The following SHANK2 variants were observed in gnomAD, a reference collection of about 807,000 sequenced individuals.
SHANK2 encodes SH3 and multiple ankyrin repeat domains protein 2.
A neutral mutation model predicts 133.7 loss-of-function variants in SHANK2; 43 were observed. That is an observed-to-expected ratio of 0.32 (90% confidence interval 0.25 to 0.41). SHANK2 has a LOEUF of 0.41. Ranked by LOEUF, SHANK2 falls within the 10% of genes least tolerant of loss-of-function variation. SHANK2 has a pLI of 1.00. For synonymous variants in SHANK2, 1,017 were observed against 952.8 expected, an observed-to-expected ratio of 1.07 and a Z score of -1.24; for missense variants, 1,994 against 2,235.8, an observed-to-expected ratio of 0.89 and a Z score of 2.18.
At chr11:71,222,774 G>A (rs1353402407) in intron 2 of SHANK2, among the ~76,000 whole-genome samples, 1 of 152,244 alleles carries the variant, frequency 6.6e-6, no homozygotes, top group Non-Finnish European at 1.5e-5. Context: ...CCTGCTCTAG[G>A]ATAAAGGGGT....
intron 17 of SHANK2, among the ~76,000 whole-genome samples, chr11:70,648,585 T>A (rs782585388): frequency 9.9e-5 from 15 of 152,224 alleles, no homozygotes; most frequent in Non-Finnish European, 1.6e-4. Context: ...CAAAATTTCC[T>A]AGGACCAGGG....
At chr11:70,629,436 G>C (rs1411268922) in intron 17 of SHANK2, among the ~76,000 whole-genome samples, 1 of 152,220 alleles carries the variant, frequency 6.6e-6, no homozygotes, top group Non-Finnish European at 1.5e-5. Context: ...CGGGTCTCCA[G>C]GCCTGATGGA....
At chr11:70,561,310 C>T (rs7104940) in intron 17 of SHANK2, among the ~76,000 whole-genome samples, 124,554 of 151,986 alleles carry the variant, frequency 0.82, 51,382 homozygotes, top group Middle Eastern at 0.93. Flanking sequence ...TGTGCCACCA[C>T]GCACAGCTAA....
At chr11:71,086,342 A>G (rs1228880722) in intron 8 of SHANK2, among the ~76,000 whole-genome samples, 1 of 123,062 alleles carries the variant, frequency 8.1e-6, no homozygotes, top group Non-Finnish European at 1.6e-5. Context: ...ATGTTATATA[A>G]GATATAGTAT....
intron 17 of SHANK2, chr11:70,633,566 T>C (rs1279831887): frequency 1.3e-5 from 2 of 152,238 alleles, no homozygotes; most frequent in Admixed American, 1.3e-4. Flanking sequence ...TTATTTGATA[T>C]GTGAAAGTTC....
intron 2 of SHANK2, among the ~76,000 whole-genome samples, chr11:71,223,205 G>C (rs781961126): frequency 6.6e-6 from 1 of 151,870 alleles, no homozygotes; most frequent in Non-Finnish European, 1.5e-5. Context: ...CAACTGCGAT[G>C]GTGGCCAGGA....
chr11:71,198,591 G>A (rs1470813186), intron 2 of SHANK2, among the ~76,000 whole-genome samples: 2 of 152,132 alleles, frequency 1.3e-5, no homozygotes, highest in East Asian at 3.9e-4. Context: ...GACCACAGCT[G>A]ACCCCGCAGA....
At chr11:70,893,992 AT>A (rs1228833935) in intron 11 of SHANK2, among the ~76,000 whole-genome samples, 6 of 152,242 alleles carry the variant, frequency 3.9e-5, no homozygotes, top group Non-Finnish European at 7.3e-5. Flanking sequence ...ATTAAAATGT[AT>A]TCGCCCAACA....
intron 17 of SHANK2, among the ~76,000 whole-genome samples, chr11:70,605,698 C>T (rs1352353531): frequency 3.9e-5 from 6 of 152,226 alleles, no homozygotes; most frequent in African/African-American, 1.2e-4. Flanking sequence ...CTCAACTGCA[C>T]GTTTCCCTGG....
intron 20 of SHANK2, among the ~76,000 whole-genome samples, chr11:70,501,304 G>C (rs983572428): frequency 2.6e-5 from 4 of 151,508 alleles, no homozygotes; most frequent in Admixed American, 2.6e-4. Flanking sequence ...GCAGCACTTA[G>C]CACTTGCTAG....
intron 14 of SHANK2, among the ~76,000 whole-genome samples, chr11:70,775,906 A>T (rs1252583363): frequency 6.6e-6 from 1 of 152,274 alleles, no homozygotes; most frequent in Non-Finnish European, 1.5e-5. Flanking sequence ...AGCCAAAAAC[A>T]ACATCTTCAT....
intron 17 of SHANK2, among the ~76,000 whole-genome samples, chr11:70,537,844 C>T (rs1338929176): frequency 6.6e-6 from 1 of 152,200 alleles, no homozygotes; most frequent in African/African-American, 2.4e-5. Context: ...GTGTAGCCGA[C>T]GTCAACCCTG....
chr11:70,485,375 C>T lies in SHANK2; in HGVS notation c.4918G>A (p.Ala1640Thr). ...GAATCCAGTCCTTCCCCCGGCTTTGCCAATTTCTCTCGGTTCATTTGCTGT... is the reference window on the plus strand; with the variant it reads ...GAATCCAGTCCTTCCCCCGGCTTTGTCAATTTCTCTCGGTTCATTTGCTGT... ...ILQQMNREKL[A>T]KPGEGLDSPM... Residue 1640 changes from alanine to threonine, a missense_variant, in exon 25 of 26, where the codon GCA becomes ACA. By Grantham distance (58) the Ala-to-Thr change is moderately conservative. Coordinates refer to ENST00000601538, the MANE Select transcript of SHANK2 (RefSeq NM_012309.5). This position sits in a 1 kb window ranked among gnomAD's most constrained non-coding sequence, Gnocchi z 5.8. 6.2e-7 allele frequency: 1 copy of T among 1,614,066 alleles called. No homozygotes were observed. The highest frequency in any genetic ancestry group is 8.5e-7 in the Non-Finnish European group (1 of 1,180,040).
intron 11 of SHANK2, among the ~76,000 whole-genome samples, chr11:70,889,826 C>T (rs148627568): frequency 7.9e-5 from 12 of 152,186 alleles, no homozygotes; most frequent in South Asian, 2.1e-4. Flanking sequence ...GTCTTAGGGG[C>T]GGATGCCAGC....
At chr11:70,920,398 T>C (rs1950333533) in intron 10 of SHANK2, among the ~76,000 whole-genome samples, 1 of 152,096 alleles carries the variant, frequency 6.6e-6, no homozygotes, top group Non-Finnish European at 1.5e-5. Context: ...CAGTCTATTT[T>C]AAAAAATGAT....
At chr11:70,752,715 A>T (rs1946779959) in intron 14 of SHANK2, among the ~76,000 whole-genome samples, 1 of 150,890 alleles carries the variant, frequency 6.6e-6, no homozygotes, top group Non-Finnish European at 1.5e-5. Context: ...CAAAAAAAAA[A>T]AAAAAATCAA....
At chr11:70,815,778 G>A (rs1394679275) in intron 12 of SHANK2, among the ~76,000 whole-genome samples, 1 of 152,190 alleles carries the variant, frequency 6.6e-6, no homozygotes, top group Non-Finnish European at 1.5e-5. Flanking sequence ...GGCTGCACTT[G>A]AGGGTGTGAC....
At chr11:70,544,996 G>A (rs2059671596) in intron 17 of SHANK2, among the ~76,000 whole-genome samples, 1 of 152,174 alleles carries the variant, frequency 6.6e-6, no homozygotes, top group South Asian at 2.1e-4. Flanking sequence ...TGGACCTCGG[G>A]AGCTTCTCTC....
At chr11:70,838,256 T>A (rs551866478) in intron 11 of SHANK2, among the ~76,000 whole-genome samples, 1 of 152,238 alleles carries the variant, frequency 6.6e-6, no homozygotes, top group South Asian at 2.1e-4. Flanking sequence ...TCAATACATG[T>A]TCTGGTTATC....
Sources: allele counts gnomAD v4.1 joint callset (sites outside exome capture counted in the v4.1 genomes callset), GRCh38; gene constraint gnomAD v4.1.1; non-coding constraint Gnocchi (gnomAD v3.1); transcripts MANE v1.5; gene names NCBI Gene and HGNC (gene_info 2026-07-23, HGNC 2026-07-21).